The following GALNT12 variants were observed in gnomAD, a reference collection of about 807,000 sequenced individuals.
GALNT12 encodes the protein polypeptide N-acetylgalactosaminyltransferase 12.
Under a neutral mutation model 55.5 loss-of-function variants are expected in GALNT12, and 45 were observed. That is an observed-to-expected ratio of 0.81 (90% CI 0.64 to 1.04). The LOEUF (loss-of-function observed/expected upper bound fraction) is 1.04. Ranked by LOEUF, GALNT12 falls within the 50% of genes least tolerant of loss-of-function variation. The probability of loss-of-function intolerance (pLI) is 0.00; values close to 1 mark genes in which losing one functional copy is unlikely to be tolerated. For synonymous variants in GALNT12, 304 were observed against 312.2 expected (o/e 0.97, Z 0.28); for missense variants, 709 against 754.8 (o/e 0.94, Z 0.71).
At position 98,826,811 on chromosome 9, in the gene GALNT12, C is replaced by G. The variant is rs372616005; in HGVS notation, c.601C>G (p.Arg201Gly). ...GGGACTGCCCAAGGTGCGCCTGATC[C>G]GCGCCAACAAGAGAGAGGGCCTGGT... is the stretch of plus-strand genomic sequence containing the variant. ...LSGLPKVRLI[R>G]ANKREGLVRA... is the part of the protein sequence containing the mutation. Residue 201 changes from arginine to glycine, a missense_variant, in exon 3 of 10, where the codon CGC becomes GGC. Arg to Gly is a moderately radical substitution (Grantham distance 125). Around this residue, in one of 5 missense-constraint regions of GALNT12, gnomAD observed 315 missense variants for 288.6 expected, o/e 1.09. Coordinates refer to ENST00000375011, the MANE Select transcript of GALNT12 (RefSeq NM_024642.5). 5 of 1,612,016 alleles carry G rather than the reference C, an allele frequency of 3.1e-6. No homozygotes were observed. Among genetic ancestry groups the G allele is most frequent in the Admixed American group, 3.3e-5 (2 of 59,940 alleles).
intron 6 of GALNT12, among the ~76,000 whole-genome samples, chr9:98,838,888 C>G (rs1336383288): frequency 6.6e-6 from 1 of 152,152 alleles, no homozygotes. Context: ...AGGAACTTGT[C>G]CAGGCCCTGT....
chr9:98,815,076 A>G (rs1259441870), intron 1 of GALNT12, among the ~76,000 whole-genome samples: 3 of 152,258 alleles, frequency 2.0e-5, no homozygotes, highest in South Asian at 4.1e-4. Flanking sequence ...AAAGTGATCC[A>G]TAGCTGTCTT....
intron 1 of GALNT12, among the ~76,000 whole-genome samples, chr9:98,813,305 A>G (rs1216243205): frequency 6.6e-6 from 1 of 152,268 alleles, no homozygotes; most frequent in African/African-American, 2.4e-5. Flanking sequence ...TGAGATGCCT[A>G]CAGTGACCCA....
intron 3 of GALNT12, among the ~76,000 whole-genome samples, chr9:98,829,141 T>C (rs1318376680): frequency 6.7e-6 from 1 of 149,562 alleles, no homozygotes; most frequent in Admixed American, 6.7e-5. Flanking sequence ...GTCATACTCT[T>C]AGTAATTTTT....
At chr9:98,831,574 C>T (rs551834347) in intron 3 of GALNT12, among the ~76,000 whole-genome samples, 198 bp from the exon 4 acceptor site, 1 of 152,208 alleles carries the variant, frequency 6.6e-6, no homozygotes, top group East Asian at 1.9e-4. Context: ...CCTCCGTGGC[C>T]CCCAGATCTC....
chr9:98,842,858 A>G (rs1409447394), intron 7 of GALNT12, among the ~76,000 whole-genome samples: 1 of 152,240 alleles, frequency 6.6e-6, no homozygotes, highest in Non-Finnish European at 1.5e-5. Context: ...ATCCCAAATA[A>G]TATCATTTCA....
chr9:98,832,242 GAGC>G (rs1327143902), intron 4 of GALNT12, among the ~76,000 whole-genome samples: 1 of 152,186 alleles, frequency 6.6e-6, no homozygotes, highest in Admixed American at 6.5e-5. Flanking sequence ...ATTTTAGGCT[GAGC>G]ATGGTGGCTC....
At position 98,826,795 on chromosome 9, in the gene GALNT12, C is replaced by A; in HGVS notation, c.585C>A (p.Pro195=). 1 of 1,611,994 alleles carries A rather than the reference C, an allele frequency of 6.2e-7. No homozygotes were observed. Among genetic ancestry groups the A allele is most frequent in the Non-Finnish European group, 8.5e-7 (1 of 1,179,816 alleles). ...TGGCCAATGAGCTTTCGGGACTGCC[C>A]AAGGTGCGCCTGATCCGCGCCAACA... ...ERLANELSGL[P]KVRLIRANKR... Residue 195 remains proline, a synonymous_variant, in exon 3 of 10, where the codon CCC becomes CCA. Coordinates refer to ENST00000375011, the MANE Select transcript of GALNT12 (RefSeq NM_024642.5).
At chr9:98,843,448 C>A (rs1359910648) in intron 7 of GALNT12, among the ~76,000 whole-genome samples, 1 of 151,506 alleles carries the variant, frequency 6.6e-6, no homozygotes, top group Non-Finnish European at 1.5e-5. Context: ...GCCTTATTGC[C>A]CAGGCTGGAG....
At position 98,831,824 on chromosome 9, in the gene GALNT12, T is replaced by C. The variant is rs373792075; in HGVS notation, c.784T>C (p.Trp262Arg). 1.3e-5 allele frequency: 21 copies of C among 1,614,108 alleles called. No homozygotes were observed. In the African/African-American group the frequency reaches 2.5e-4, roughly 19 times the overall value. ...VVCPVIDVID[W>R]NTFEYLGNSG... is the part of the protein sequence containing the mutation. ...GTGCCCGGTGATTGATGTGATCGAC[T>C]GGAACACCTTCGAATACCTGGGGAA... Residue 262 changes from tryptophan to arginine, a missense_variant, in exon 4 of 10, where the codon TGG becomes CGG. By Grantham distance (101) the Trp-to-Arg change is moderately radical (BLOSUM62 -3). Coordinates refer to ENST00000375011, the MANE Select transcript of GALNT12 (RefSeq NM_024642.5).
intron 2 of GALNT12, 148 bp from the exon 3 acceptor site, chr9:98,826,604 T>C: frequency 1.2e-6 from 1 of 818,680 alleles, no homozygotes; most frequent in South Asian, 1.5e-5. Context: ...CTGGGTGAGG[T>C]AAGGATGTCC....
At chr9:98,844,739 G>A (rs983775888) in intron 8 of GALNT12, among the ~76,000 whole-genome samples, 13 of 152,168 alleles carry the variant, frequency 8.5e-5, no homozygotes, top group Non-Finnish European at 1.5e-4. Context: ...GTGGTGTTTA[G>A]GGACATTGCC....
intron 6 of GALNT12, among the ~76,000 whole-genome samples, chr9:98,838,544 T>C (rs192933079): frequency 6.6e-6 from 1 of 152,342 alleles, no homozygotes; most frequent in Admixed American, 6.5e-5. Flanking sequence ...CAGGGACTTG[T>C]TTTCTGGTCC....
intron 1 of GALNT12, among the ~76,000 whole-genome samples, chr9:98,809,820 T>A (rs1275534863): frequency 1.3e-5 from 2 of 152,224 alleles, no homozygotes; most frequent in Admixed American, 1.3e-4. Flanking sequence ...TTTGAAACAC[T>A]GTGGACAATC....
intron 7 of GALNT12, 81 bp downstream of exon 7, chr9:98,840,214 G>C (rs779959415): frequency 1.3e-6 from 2 of 1,573,120 alleles, no homozygotes; most frequent in Non-Finnish European, 1.7e-6. Flanking sequence ...GGCAAGAAAG[G>C]CCACGTCATG....
At chr9:98,821,051 G>T (rs1835723647) in intron 1 of GALNT12, among the ~76,000 whole-genome samples, 1 of 152,148 alleles carries the variant, frequency 6.6e-6, no homozygotes, top group African/African-American at 2.4e-5. Flanking sequence ...TGACACAGAT[G>T]AATCAAGAGT....
Position 98,836,999 on chromosome 9 carries a change from A to G in GALNT12, c.1063A>G (p.Thr355Ala), listed in dbSNP as rs557750030. ...CTGGCAGTGTGGTGGGGTTCTGGAA[A>G]CACACCCATGTTCCCATGTTGGCCA... The part of the protein sequence containing the change: ...RIWQCGGVLE[T>A]HPCSHVGHVF... Residue 355 changes from threonine (T) to alanine (A), a missense_variant, in exon 6 of 10, where the codon ACA (threonine) becomes GCA (alanine). Physicochemically the swap from Thr to Ala is moderately conservative, Grantham distance 58. This residue lies in a region of GALNT12 where 262 missense variants were observed against 310.7 expected (regional missense o/e 0.84). Coordinates refer to ENST00000375011, the MANE Select transcript of GALNT12 (RefSeq NM_024642.5). 1.2e-6 allele frequency: 2 copies of G among 1,614,056 alleles called. No individual in the cohort carries two copies. Among genetic ancestry groups the G allele is most frequent in the Non-Finnish European group, 1.7e-6 (2 of 1,180,032 alleles).
At position 98,831,890 on chromosome 9, in the gene GALNT12, G is replaced by A. The variant is rs772292450; in HGVS notation, c.850G>A (p.Val284Met). The A allele has an allele frequency of 2.1e-5, 34 of 1,614,040 alleles. No homozygotes were observed. Among genetic ancestry groups the A allele is most frequent in the Admixed American group, 6.7e-5 (4 of 59,994 alleles). The change falls in exon 4 of 10, where the codon GTG (valine) becomes ATG (methionine). Residue 284 changes from valine to methionine, a missense_variant. Coordinates refer to ENST00000375011, the MANE Select transcript of GALNT12 (RefSeq NM_024642.5). ...PQIGGFDWRLVFTWHTVPERE... is the reference protein window; with the variant it reads ...PQIGGFDWRLMFTWHTVPERE... ...GATCGGCGGTTTCGACTGGAGGCTGGTGTTCACGTGGCACACAGTTCCTGA... is the reference window on the plus strand; with the variant it reads ...GATCGGCGGTTTCGACTGGAGGCTGATGTTCACGTGGCACACAGTTCCTGA...
rs760069331 is a variant in GALNT12 at position 98,826,912 on chromosome 9, C to T, written c.702C>T (p.His234=). 13 of 1,573,128 alleles carry T rather than the reference C, an allele frequency of 8.3e-6. No individual in the cohort carries two copies. Among genetic ancestry groups the T allele is most frequent in the South Asian group, 3.5e-5 (3 of 85,984 alleles). The part of the protein sequence containing the change: ...LTFLDCHCEC[H]EGWLEPLLQR... ...TCCTGGACTGTCACTGTGAGTGCCA[C>T]GAAGGGTGGCTGGAGCCGCTGCTGC... Residue 234 remains histidine (H), a synonymous_variant, in exon 3 of 10, where the codon CAC becomes CAT. Coordinates refer to ENST00000375011, the MANE Select transcript of GALNT12 (RefSeq NM_024642.5).
Sources: allele counts gnomAD v4.1 joint callset (sites outside exome capture counted in the v4.1 genomes callset), GRCh38; gene constraint gnomAD v4.1.1; regional missense constraint gnomAD v4.1.1; transcripts MANE v1.5; gene names NCBI Gene and HGNC (gene_info 2026-07-23, HGNC 2026-07-21).